The following TINAG variants were observed in gnomAD, a reference collection of about 807,000 sequenced individuals.
The protein encoded by TINAG is tubulointerstitial nephritis antigen.
Under a neutral mutation model 72.7 loss-of-function variants are expected in TINAG, and 83 were observed. The ratio of observed to expected loss-of-function variants is 1.14; its 90% confidence interval spans 0.96 to 1.37. TINAG has a LOEUF of 1.37. Among genes scored for constraint, TINAG ranks in the 40% most tolerant of loss-of-function variants. TINAG has a pLI of 0.00. For missense variants in TINAG, 685 were observed against 576.6 expected, an observed-to-expected ratio of 1.19 and a Z score of -1.93; for synonymous variants, 234 against 189.9, an observed-to-expected ratio of 1.23 and a Z score of -1.91.
intron 9 of TINAG, among the ~76,000 whole-genome samples, chr6:54,375,797 A>G (rs1582756957): frequency 6.6e-6 from 1 of 152,186 alleles, no homozygotes; most frequent in Non-Finnish European, 1.5e-5. Flanking sequence ...GAATTGCAAC[A>G]TAAATCTTTT....
intron 6 of TINAG, among the ~76,000 whole-genome samples, chr6:54,347,725 G>A (rs571349378): frequency 8.6e-5 from 13 of 152,004 alleles, no homozygotes; most frequent in East Asian, 7.7e-4. Context: ...CCTGAAGAAC[G>A]TATACATTTC....
chr6:54,337,246 ATTTTTTTT>A (rs34286210), intron 4 of TINAG, among the ~76,000 whole-genome samples: 54 of 94,088 alleles, frequency 5.7e-4, no homozygotes, highest in Admixed American at 2.0e-3. Flanking sequence ...TGGGATTTGA[ATTTTTTTT>A]TTTTTTTTTT....
intron 1 of TINAG, among the ~76,000 whole-genome samples, chr6:54,313,661 A>T (rs1354745508): frequency 1.3e-5 from 2 of 152,150 alleles, no homozygotes; most frequent in Non-Finnish European, 2.9e-5. Context: ...TGGTGCCATG[A>T]AGTGGGAGGC....
chr6:54,354,651 CAA>C lies in TINAG; in HGVS notation c.1250+18_1250+19del, dbSNP rs758288865. The C allele has an allele frequency of 6.3e-7, 1 of 1,599,144 alleles. No homozygotes were observed. The highest frequency in any genetic ancestry group is 8.5e-7 in the Non-Finnish European group (1 of 1,174,318). On this transcript the variant is annotated intron_variant, in intron 9 of 10. Coordinates refer to ENST00000259782, the MANE Select transcript of TINAG (RefSeq NM_014464.4). ...AAACTCACTGGGTAAGGCAATTAAACAAAATTCATTTAATTCTTTTGGAAAAT... is the reference window on the plus strand; with the variant it reads ...AAACTCACTGGGTAAGGCAATTAAACAATTCATTTAATTCTTTTGGAAAAT...
At chr6:54,368,261 T>A (rs1378761380) in intron 9 of TINAG, among the ~76,000 whole-genome samples, 1 of 147,750 alleles carries the variant, frequency 6.8e-6, no homozygotes, top group Non-Finnish European at 1.5e-5. Context: ...TAATATATTA[T>A]AATGTATTAT....
intron 6 of TINAG, among the ~76,000 whole-genome samples, chr6:54,349,345 A>C (rs1450161576): frequency 3.3e-5 from 5 of 152,006 alleles, no homozygotes; most frequent in Non-Finnish European, 7.4e-5. Flanking sequence ...TTTATATTAA[A>C]TTTTAAATTT....
intron 6 of TINAG, 61 bp from the exon 7 acceptor site, chr6:54,349,654 TA>T: frequency 7.4e-7 from 1 of 1,349,156 alleles, no homozygotes; most frequent in Non-Finnish European, 9.9e-7. Context: ...AGATTAAATA[TA>T]AAAAGGATAT....
At chr6:54,358,362 C>T (rs1763122075) in intron 9 of TINAG, among the ~76,000 whole-genome samples, 1 of 151,642 alleles carries the variant, frequency 6.6e-6, no homozygotes, top group African/African-American at 2.4e-5. Context: ...TCCATGAGAG[C>T]TGGTGTCTGT....
chr6:54,377,006 A>G (rs1369960820), intron 9 of TINAG, among the ~76,000 whole-genome samples: 2 of 152,168 alleles, frequency 1.3e-5, no homozygotes, highest in Non-Finnish European at 2.9e-5. Context: ...CAAAACCAGC[A>G]TATTCCCAGG....
intron 1 of TINAG, among the ~76,000 whole-genome samples, chr6:54,319,708 C>T (rs1413239488): frequency 6.6e-6 from 1 of 151,996 alleles, no homozygotes; most frequent in Non-Finnish European, 1.5e-5. Context: ...ATAGTTTGCC[C>T]TATGATTTTA....
At chr6:54,311,749 C>A (rs1171471819) in intron 1 of TINAG, among the ~76,000 whole-genome samples, 1 of 152,124 alleles carries the variant, frequency 6.6e-6, no homozygotes, top group Admixed American at 6.5e-5. Context: ...ATTCACCCCC[C>A]TTTTTTGAAG....
chr6:54,379,982 A>G (rs1763897205), intron 9 of TINAG, among the ~76,000 whole-genome samples: 1 of 151,790 alleles, frequency 6.6e-6, no homozygotes, highest in Non-Finnish European at 1.5e-5. Context: ...CCCTGTGCCC[A>G]TGTGTTCTCA....
At chr6:54,335,228 C>G (rs1162950324) in intron 4 of TINAG, among the ~76,000 whole-genome samples, 1 of 152,076 alleles carries the variant, frequency 6.6e-6, no homozygotes, top group Non-Finnish European at 1.5e-5. Flanking sequence ...CTCACCATAG[C>G]AAAGAAAAGG....
chr6:54,317,727 C>G (rs1444180232), intron 1 of TINAG, among the ~76,000 whole-genome samples: 2 of 152,172 alleles, frequency 1.3e-5, no homozygotes. Context: ...CCCTTAACTT[C>G]ATGTCTTTAA....
chr6:54,380,332 A>G (rs1199858854), intron 9 of TINAG, among the ~76,000 whole-genome samples, 194 bp from the exon 10 acceptor site: 2 of 152,162 alleles, frequency 1.3e-5, no homozygotes, highest in African/African-American at 4.8e-5. Flanking sequence ...TTCTGTGCAC[A>G]TAAATAATGT....
intron 9 of TINAG, among the ~76,000 whole-genome samples, chr6:54,355,126 A>G (rs1458134903): frequency 6.6e-6 from 1 of 151,942 alleles, no homozygotes; most frequent in African/African-American, 2.4e-5. Context: ...ATGCAAGGGA[A>G]AGAAAGAAGT....
rs368359804 is a variant in TINAG, at chr6:54,389,863, T to C, written c.1369T>C (p.Ser457Pro). Residue 457 changes from serine (S) to proline (P), a missense_variant, in exon 11 of 11, where the codon TCC becomes CCC. Physicochemically the swap from Ser to Pro is moderately conservative, Grantham distance 74. Transcript: ENST00000259782. Reference sequence around the variant, plus strand: ...CAGGATTCTTCGAGGAGTAAATGAGTCCGACATTGAAAAGTTGATTATCGC... The same window carrying C: ...CAGGATTCTTCGAGGAGTAAATGAGCCCGACATTGAAAAGTTGATTATCGC... ...YFRILRGVNE[S>P]DIEKLIIAAW... 1.1e-5 allele frequency: 17 copies of C among 1,610,604 alleles called. No individual in the cohort carries two copies. In the African/African-American group the frequency reaches 1.7e-4, roughly 16 times the overall value.
chr6:54,386,452 C>T (rs934861604), intron 10 of TINAG, among the ~76,000 whole-genome samples: 3 of 152,060 alleles, frequency 2.0e-5, no homozygotes, highest in Non-Finnish European at 4.4e-5. Context: ...TGTTGGTAGA[C>T]GTGTTTTTTT....
intron 4 of TINAG, among the ~76,000 whole-genome samples, chr6:54,340,177 T>G (rs1784963261): frequency 6.6e-6 from 1 of 152,280 alleles, no homozygotes; most frequent in Non-Finnish European, 1.5e-5. Flanking sequence ...ACAGGGAGAC[T>G]GTTCACATTG....
Sources: gnomAD v4.1 joint callset for allele counts (sites outside exome capture counted in the v4.1 genomes callset) on GRCh38, gnomAD v4.1.1 for gene constraint, MANE v1.5 for transcripts, NCBI Gene and HGNC (gene_info 2026-07-23, HGNC 2026-07-21) for gene names.